Variants in FOXP2 observed in about 807,000 individuals in gnomAD.
The protein encoded by FOXP2 is forkhead box P2, also known as forkhead box protein P2.
In FOXP2, 12 loss-of-function variants were observed where a neutral mutation model predicts 115.8. That is an observed-to-expected ratio of 0.10 (90% CI 0.07 to 0.17). The LOEUF (loss-of-function observed/expected upper bound fraction) is 0.17, where lower values mean the gene tolerates loss of function less well. Ranked by LOEUF, FOXP2 falls within the 10% of genes least tolerant of loss-of-function variation. FOXP2 has a pLI of 1.00. For missense variants in FOXP2, 629 were observed against 843.5 expected, an observed-to-expected ratio of 0.75 and a Z score of 3.15; for synonymous variants, 328 against 297.7, an observed-to-expected ratio of 1.10 and a Z score of -1.05.
intron 1 of FOXP2, among the ~76,000 whole-genome samples, chr7:114,274,145 C>A (rs1796127640): frequency 6.6e-6 from 1 of 151,626 alleles, no homozygotes; most frequent in Non-Finnish European, 1.5e-5. Flanking sequence ...TAATCCAAGT[C>A]CACTTTCAAG....
chr7:114,454,910 C>T (rs1795235972), intron 2 of FOXP2, among the ~76,000 whole-genome samples: 1 of 133,416 alleles, frequency 7.5e-6, no homozygotes, highest in Non-Finnish European at 1.6e-5. Context: ...GGGAGATATA[C>T]CTAATGCTAG....
chr7:114,566,221 AG>A, intron 3 of FOXP2, among the ~76,000 whole-genome samples: 1 of 152,308 alleles, frequency 6.6e-6, no homozygotes, highest in East Asian at 1.9e-4. Flanking sequence ...TATAACGTGA[AG>A]AATGTTCATA....
At chr7:114,154,402 A>C in intron 1 of FOXP2, among the ~76,000 whole-genome samples, 1 of 152,032 alleles carries the variant, frequency 6.6e-6, no homozygotes, top group Non-Finnish European at 1.5e-5. Context: ...ACAAGCTAAT[A>C]AACAATCATC....
intron 2 of FOXP2, among the ~76,000 whole-genome samples, chr7:114,533,918 G>A (rs1799255499): frequency 6.6e-6 from 1 of 151,738 alleles, no homozygotes; most frequent in Non-Finnish European, 1.5e-5. Context: ...TCCTAAGTGG[G>A]AAAGAAAACA....
intron 2 of FOXP2, among the ~76,000 whole-genome samples, chr7:114,522,397 C>T (rs572986161): frequency 7.9e-5 from 12 of 152,146 alleles, no homozygotes; most frequent in Admixed American, 4.6e-4. Flanking sequence ...TTAAGAACTT[C>T]GTTCCCTAGC....
At chr7:114,107,039 T>A (rs1791136109) in intron 1 of FOXP2, among the ~76,000 whole-genome samples, 1 of 152,026 alleles carries the variant, frequency 6.6e-6, no homozygotes, top group African/African-American at 2.4e-5. Flanking sequence ...CGTCTTGTAT[T>A]CCAGTAATAG....
chr7:114,649,124 C>A (rs537482704), intron 8 of FOXP2, among the ~76,000 whole-genome samples: 4 of 152,058 alleles, frequency 2.6e-5, no homozygotes, highest in Non-Finnish European at 5.9e-5. Flanking sequence ...AATTTACAGA[C>A]CTTTGCCATC....
At chr7:114,415,871 C>T (rs1452519128) in intron 1 of FOXP2, among the ~76,000 whole-genome samples, 2 of 151,878 alleles carry the variant, frequency 1.3e-5, no homozygotes, top group African/African-American at 4.8e-5. Flanking sequence ...TGAAAGGAGT[C>T]AGGGCTCAGA....
At chr7:114,444,985 T>A (rs534657093) in intron 2 of FOXP2, among the ~76,000 whole-genome samples, 1 of 152,262 alleles carries the variant, frequency 6.6e-6, no homozygotes, top group Admixed American at 6.5e-5. Flanking sequence ...AAGAAAATAG[T>A]GTGTTCCTCT....
At chr7:114,430,998 AT>A (rs1324105988) in intron 2 of FOXP2, among the ~76,000 whole-genome samples, 2 of 151,858 alleles carry the variant, frequency 1.3e-5, no homozygotes, top group African/African-American at 4.8e-5. Flanking sequence ...ATAGAAATGG[AT>A]TTTTTAATTT....
At chr7:114,394,005 TGAGAGAGA>T (rs57281183) in intron 2 of FOXP2, among the ~76,000 whole-genome samples, 13 of 91,538 alleles carry the variant, frequency 1.4e-4, no homozygotes, top group African/African-American at 3.0e-4. Context: ...TGTGTGTGTG[TGAGAGAGA>T]GAGAGAGAGA....
In FOXP2 at chr7:114,533,041, C is replaced by A. The variant is rs117189408; in HGVS notation, c.169-1576C>A. 2.4e-3 allele frequency among the ~76,000 whole-genome samples: 362 copies of A among 151,872 alleles called. 9 individuals are homozygous for A. In the East Asian group the frequency reaches 0.065, roughly 27 times the overall value. On this transcript the variant is annotated intron_variant, in intron 2 of 16. Transcript: ENST00000350908. ...TCAAACTGAGCTCTATAATAAATAG[C>A]CTGAGTTCACTGGAATGTGCCATCC...
At chr7:114,137,547 C>T (rs1792072723) in intron 1 of FOXP2, among the ~76,000 whole-genome samples, 1 of 151,982 alleles carries the variant, frequency 6.6e-6, no homozygotes, top group Admixed American at 6.6e-5. Context: ...GCATTGTAAG[C>T]TTTTTGAGTT....
At chr7:114,172,505 C>CTT (rs1793174441) in intron 1 of FOXP2, among the ~76,000 whole-genome samples, 1 of 152,074 alleles carries the variant, frequency 6.6e-6, no homozygotes, top group African/African-American at 2.4e-5. Flanking sequence ...AAACTCTGGA[C>CTT]TTTAGTTAAT....
chr7:114,483,371 A>G (rs1265844157), intron 2 of FOXP2, among the ~76,000 whole-genome samples: 1 of 151,560 alleles, frequency 6.6e-6, no homozygotes, highest in Non-Finnish European at 1.5e-5. Flanking sequence ...TTATACTATC[A>G]TAACATTAAA....
intron 1 of FOXP2, among the ~76,000 whole-genome samples, chr7:114,268,243 AG>A (rs2129172381): frequency 6.6e-6 from 1 of 152,206 alleles, no homozygotes; most frequent in African/African-American, 2.4e-5. Context: ...GTAAATTTTG[AG>A]TATATTTTTT....
chr7:114,424,635 CTTTG>C (rs1378868482), intron 1 of FOXP2, among the ~76,000 whole-genome samples: 2 of 151,300 alleles, frequency 1.3e-5, no homozygotes, highest in Admixed American at 6.6e-5. Context: ...AGAGTATTAG[CTTTG>C]TTTTTTTCTT....
chr7:114,550,625 T>C (rs1800162464), intron 3 of FOXP2, among the ~76,000 whole-genome samples: 1 of 152,174 alleles, frequency 6.6e-6, no homozygotes, highest in African/African-American at 2.4e-5. Flanking sequence ...TACATATACA[T>C]ATGCATGAGA....
intron 4 of FOXP2, chr7:114,629,509 G>A (rs1804773377): frequency 1.7e-6 from 2 of 1,191,960 alleles, no homozygotes; most frequent in Middle Eastern, 2.1e-4. Flanking sequence ...TTATGTGTCA[G>A]TAGGACTTCA....
Sources: gnomAD v4.1 joint callset for allele counts (sites outside exome capture counted in the v4.1 genomes callset) on GRCh38, gnomAD v4.1.1 for gene constraint, MANE v1.5 for transcripts, NCBI Gene and HGNC (gene_info 2026-07-23, HGNC 2026-07-21) for gene names.